The following PTPRS variants were observed in gnomAD, a reference collection of about 807,000 sequenced individuals.
PTPRS encodes the protein receptor-type tyrosine-protein phosphatase S.
A neutral mutation model predicts 215.3 loss-of-function variants in PTPRS; 63 were observed. That is an observed-to-expected ratio of 0.29 (90% CI 0.24 to 0.36). PTPRS has a LOEUF of 0.36. Ranked by LOEUF, PTPRS falls within the 10% of genes least tolerant of loss-of-function variation. PTPRS has a pLI of 1.00. For missense variants in PTPRS, 2,258 were observed against 2,825.8 expected, an observed-to-expected ratio of 0.80 and a Z score of 4.56; for synonymous variants, 1,404 against 1,191.4, an observed-to-expected ratio of 1.18 and a Z score of -3.68.
In PTPRS at chr19:5,244,512, T is replaced by C. The variant is rs760174217; in HGVS notation, c.989-30A>G. 4 of 1,575,054 alleles carry C rather than the reference T, an allele frequency of 2.5e-6. No individual in the cohort carries two copies. The highest frequency in any genetic ancestry group is 3.4e-5 in the Admixed American group (2 of 58,884). On this transcript the variant is annotated intron_variant, in intron 10 of 37. Coordinates refer to ENST00000262963, the MANE Select transcript of PTPRS (RefSeq NM_002850.4). This position sits in a 1 kb window ranked among gnomAD's most constrained non-coding sequence, Gnocchi z 7.2. ...GGGCAGGAGGCAGCTGTGTCACGCA[T>C]TGGGCACATTGGTTGAGGACCCTGA...
At chr19:5,262,858 C>T (rs1293538436) in intron 6 of PTPRS, 106 bp downstream of exon 6, 4 of 1,268,150 alleles carry the variant, frequency 3.2e-6, no homozygotes, top group Admixed American at 4.0e-5. Context: ...GAGTGGGTCA[C>T]AGTTACCATC....
chr19:5,238,835 C>T (rs563961119), intron 13 of PTPRS, 84 bp downstream of exon 13: 140 of 1,453,968 alleles, frequency 9.6e-5, no homozygotes, highest in African/African-American at 1.5e-4. Context: ...CAGCAGGCCC[C>T]GCCTGGGTCC....
At chr19:5,273,045 G>A (rs960134429) in intron 4 of PTPRS, 3 of 275,086 alleles carry the variant, frequency 1.1e-5, no homozygotes, top group African/African-American at 2.2e-5. Context: ...AAAGCCAAGA[G>A]ACAGAGAGTG....
intron 18 of PTPRS, 126 bp downstream of exon 18, chr19:5,222,563 G>C: frequency 8.6e-7 from 1 of 1,159,878 alleles, no homozygotes; most frequent in Non-Finnish European, 1.2e-6. Flanking sequence ...GTCCGGACTT[G>C]CCTTGAGTGA....
At chr19:5,262,820 G>C in intron 6 of PTPRS, 144 bp downstream of exon 6, 1 of 865,010 alleles carries the variant, frequency 1.2e-6, no homozygotes, top group African/African-American at 1.7e-5. Context: ...GGGGAGGAGG[G>C]AGAGGGCGTT....
chr19:5,281,435 TG>T (rs2047839959), intron 2 of PTPRS, among the ~76,000 whole-genome samples: 1 of 152,200 alleles, frequency 6.6e-6, no homozygotes, highest in East Asian at 1.9e-4. Context: ...CACTCCAGCC[TG>T]GGGGACAGGG....
intron 2 of PTPRS, among the ~76,000 whole-genome samples, chr19:5,285,769 C>T (rs968224880): frequency 1.6e-4 from 24 of 152,334 alleles, no homozygotes; most frequent in African/African-American, 5.5e-4. Context: ...TAGTGCTTAG[C>T]ATGGAGCCTG....
Position 5,208,320 on chromosome 19 carries a change from C to A in PTPRS, c.5559G>T (p.Gly1853=). The change falls in exon 36 of 38, where the codon GGG becomes GGT. Residue 1853 remains glycine, a synonymous_variant. Transcript: ENST00000262963. The part of the protein sequence containing the change: ...DWPEQGVPKS[G]EGFIDFIGQV... ...GGCCAATGAAGTCGATGAAGCCCTC[C>A]CCCGACTTTGGCACACCCTGTTCCG... The A allele has an allele frequency of 1.2e-6, 2 of 1,614,058 alleles. No individual in the cohort carries two copies. Among genetic ancestry groups the A allele is most frequent in the Non-Finnish European group, 1.7e-6 (2 of 1,179,912 alleles).
chr19:5,274,205 G>A lies in PTPRS; in HGVS notation c.231C>T (p.Arg77=), dbSNP rs374497242. The part of the protein sequence containing the change: ...NKKGKKVNSQ[R]FETIEFDESA... ...TCCCCCTACCCCAACTCACCTCAAA[G>A]CGCTGAGAGTTGACCTTCTTGCCCT... Residue 77 remains arginine (R), a synonymous_variant, in exon 3 of 38, where the codon CGC becomes CGT. Transcript: ENST00000262963. 5.6e-6 allele frequency: 9 copies of A among 1,612,986 alleles called. No homozygotes were observed. The highest frequency in any genetic ancestry group is 7.6e-6 in the Non-Finnish European group (9 of 1,179,192).
chr19:5,223,050 G>A lies in PTPRS; in HGVS notation c.2742C>T (p.Gly914=), dbSNP rs1435045088. 4.6e-5 allele frequency: 72 copies of A among 1,548,976 alleles called. No homozygotes were observed. The highest frequency in any genetic ancestry group is 5.7e-5 in the Non-Finnish European group (66 of 1,148,032). The change falls in exon 18 of 38, where the codon GGC becomes GGT. Residue 914 remains glycine (G), a synonymous_variant. Transcript: ENST00000262963. ...TGCTCAGGACCTCGGCTGCCTCCTC[G>A]CCCAGGCCGCCGCGGCTCCGGGCCG... ...RLAARSRGGL[G]EEAAEVLSIP...
chr19:5,329,420 T>G (rs1405864495), intron 1 of PTPRS, among the ~76,000 whole-genome samples: 3 of 152,172 alleles, frequency 2.0e-5, no homozygotes, highest in African/African-American at 7.2e-5. Flanking sequence ...ACAATCCAGC[T>G]ACAGAATTGC....
rs1358145586 is a variant in PTPRS, at chr19:5,258,042, G to A, written c.681C>T (p.Ser227=). 10 of 1,614,012 alleles carry A rather than the reference G, an allele frequency of 6.2e-6. No individual in the cohort carries two copies. The highest frequency in any genetic ancestry group is 2.7e-5 in the African/African-American group (2 of 74,946). Residue 227 remains serine (S), a synonymous_variant, in exon 8 of 38, where the codon TCC becomes TCT. Coordinates refer to ENST00000262963, the MANE Select transcript of PTPRS (RefSeq NM_002850.4). The stretch of plus-strand genomic sequence containing the variant: ...CTCGCACGTAGAGGTTGGCAGGTGA[G>A]GAGTAGCGCACGCCGGCGCTGTTGG... ...VATNSAGVRY[S]SPANLYVREL...
chr19:5,328,893 C>T (rs1396399382), intron 1 of PTPRS, among the ~76,000 whole-genome samples: 9 of 152,204 alleles, frequency 5.9e-5, no homozygotes, highest in Non-Finnish European at 1.5e-5. Context: ...GACCAGGGGG[C>T]TCTTGCTGTG....
At chr19:5,322,898 A>AAAAGAAG (rs775619490) in intron 1 of PTPRS, among the ~76,000 whole-genome samples, 1 of 120,288 alleles carries the variant, frequency 8.3e-6, no homozygotes, top group African/African-American at 3.0e-5. Flanking sequence ...AAAAAAAAAA[A>AAAAGAAG]AAGAAGAAGA....
In PTPRS at chr19:5,221,169, T is replaced by G; in HGVS notation, c.3286A>C (p.Asn1096His). Residue 1096 changes from asparagine to histidine, a missense_variant, in exon 20 of 38, where the codon AAC becomes CAC. By Grantham distance (68) the Asn-to-His change is moderately conservative. Around this residue, in one of 6 missense-constraint regions of PTPRS, gnomAD observed 927 missense variants for 1,125.9 expected, o/e 0.82. Coordinates refer to ENST00000262963, the MANE Select transcript of PTPRS (RefSeq NM_002850.4). ...ITHLKPHTFYNFVLTNRGSSL... is the reference protein window; with the variant it reads ...ITHLKPHTFYHFVLTNRGSSL... ...CTGCCGCGATTGGTCAGCACAAAGT[T>G]GTAGAAGGTGTGGGGCTTGAGGTGC... is the stretch of plus-strand genomic sequence containing the variant. 1 of 1,613,418 alleles carries G rather than the reference T, an allele frequency of 6.2e-7. No homozygotes were observed. The highest frequency in any genetic ancestry group is 8.5e-7 in the Non-Finnish European group (1 of 1,179,922).
chr19:5,329,579 C>T (rs2050259883), intron 1 of PTPRS, among the ~76,000 whole-genome samples: 1 of 151,192 alleles, frequency 6.6e-6, no homozygotes, highest in African/African-American at 2.4e-5. Context: ...TCCTGGCTAA[C>T]ACAGTGAAAC....
chr19:5,223,777 G>T (rs1456637479), intron 17 of PTPRS, among the ~76,000 whole-genome samples: 1 of 150,898 alleles, frequency 6.6e-6, no homozygotes, highest in Admixed American at 6.6e-5. Context: ...GGCCAGGCTG[G>T]TCTTGAACTC....
At chr19:5,312,696 T>G (rs2049745468) in intron 1 of PTPRS, among the ~76,000 whole-genome samples, 1 of 151,880 alleles carries the variant, frequency 6.6e-6, no homozygotes, top group African/African-American at 2.4e-5. Context: ...ATAATAGCAA[T>G]AGTAACAATA....
chr19:5,239,920 G>C (rs949342677), intron 12 of PTPRS, among the ~76,000 whole-genome samples: 4 of 152,150 alleles, frequency 2.6e-5, no homozygotes, highest in Non-Finnish European at 5.9e-5. Context: ...ACAAGACACA[G>C]AGAGAAGCAC....
Sources: allele counts gnomAD v4.1 joint callset (sites outside exome capture counted in the v4.1 genomes callset), GRCh38; gene constraint gnomAD v4.1.1; regional missense constraint gnomAD v4.1.1; non-coding constraint Gnocchi (gnomAD v3.1); transcripts MANE v1.5; gene names NCBI Gene and HGNC (gene_info 2026-07-23, HGNC 2026-07-21).